Variants in LRRC4C observed in about 807,000 individuals in gnomAD.
LRRC4C encodes leucine rich repeat containing 4C.
A neutral mutation model predicts 33.6 loss-of-function variants in LRRC4C; 5 were observed. That is an observed-to-expected ratio of 0.15 (90% CI 0.08 to 0.31). The LOEUF (loss-of-function observed/expected upper bound fraction) is 0.31, where lower values mean the gene tolerates loss of function less well. Among genes scored for constraint, LRRC4C ranks in the 10% least tolerant of loss-of-function variants. The pLI is 1.00. For synonymous variants in LRRC4C, 329 were observed against 302.0 expected (o/e 1.09, Z -0.93); for missense variants, 560 against 796.7 (o/e 0.70, Z 3.58).
chr11:41,058,116 C>A (rs933037739), intron 1 of LRRC4C, among the ~76,000 whole-genome samples: 3 of 152,222 alleles, frequency 2.0e-5, no homozygotes, highest in African/African-American at 7.2e-5. Flanking sequence ...ATCCTCCTGG[C>A]TTGCCATGCT....
chr11:40,700,477 TA>T (rs1316231171), intron 2 of LRRC4C, among the ~76,000 whole-genome samples: 1 of 152,162 alleles, frequency 6.6e-6, no homozygotes, highest in Non-Finnish European at 1.5e-5. Context: ...TATATCAATC[TA>T]AAGTTTGCAA....
intron 3 of LRRC4C, among the ~76,000 whole-genome samples, chr11:40,387,949 C>T (rs1482183456): frequency 2.0e-5 from 3 of 152,110 alleles, no homozygotes; most frequent in Admixed American, 1.3e-4. Context: ...TCTTATTTTA[C>T]CTCCTGTGCT....
chr11:40,372,635 C>T (rs1471808476), intron 3 of LRRC4C, among the ~76,000 whole-genome samples: 1 of 152,186 alleles, frequency 6.6e-6, no homozygotes, highest in African/African-American at 2.4e-5. Context: ...ATTCAGCTAA[C>T]ACCCCAGTCA....
intron 3 of LRRC4C, among the ~76,000 whole-genome samples, chr11:40,626,454 G>A (rs748957430): frequency 6.6e-6 from 1 of 151,952 alleles, no homozygotes; most frequent in Non-Finnish European, 1.5e-5. Context: ...TTTTTGACCA[G>A]TATGTTCCTA....
intron 1 of LRRC4C, among the ~76,000 whole-genome samples, chr11:41,027,596 C>T (rs1037527957): frequency 6.6e-6 from 1 of 151,620 alleles, no homozygotes; most frequent in Admixed American, 6.6e-5. Context: ...GCATCATCAA[C>T]CTCCAGCTAA....
chr11:41,306,834 T>G (rs1950518309), intron 1 of LRRC4C, among the ~76,000 whole-genome samples: 1 of 152,196 alleles, frequency 6.6e-6, no homozygotes. Flanking sequence ...TAAGGAAAGT[T>G]TAAGTAGTTG....
At chr11:41,441,693 G>A (rs1221673711) in intron 1 of LRRC4C, among the ~76,000 whole-genome samples, 9 of 149,196 alleles carry the variant, frequency 6.0e-5, no homozygotes, top group Non-Finnish European at 1.0e-4. Context: ...ATGTAGAGAA[G>A]ATGGCAAGAA....
At chr11:41,117,224 C>T (rs530287120) in intron 1 of LRRC4C, among the ~76,000 whole-genome samples, 105 of 152,250 alleles carry the variant, frequency 6.9e-4, no homozygotes, top group African/African-American at 2.4e-3. Flanking sequence ...ACAGAACTAC[C>T]CAGCTGAGCT....
intron 1 of LRRC4C, among the ~76,000 whole-genome samples, chr11:41,187,930 C>G (rs1363981355): frequency 6.6e-6 from 1 of 152,190 alleles, no homozygotes; most frequent in Non-Finnish European, 1.5e-5. Context: ...GTAACTACCT[C>G]TTGGTTTTGC....
intron 1 of LRRC4C, among the ~76,000 whole-genome samples, chr11:41,388,003 A>C (rs1406971615): frequency 6.6e-6 from 1 of 151,814 alleles, no homozygotes; most frequent in Non-Finnish European, 1.5e-5. Context: ...AAATACATTA[A>C]ATTTTCTCTG....
intron 3 of LRRC4C, among the ~76,000 whole-genome samples, chr11:40,438,298 T>A (rs1951230509): frequency 6.6e-6 from 1 of 152,210 alleles, no homozygotes; most frequent in Non-Finnish European, 1.5e-5. Flanking sequence ...AAGTCCTTCC[T>A]TGACTGTCCT....
chr11:40,191,740 C>T (rs536692855), intron 5 of LRRC4C, among the ~76,000 whole-genome samples: 1 of 152,290 alleles, frequency 6.6e-6, no homozygotes, highest in East Asian at 1.9e-4. Flanking sequence ...GCAGAAGGAT[C>T]ACCTGAGCCC....
chr11:40,256,953 CT>C (rs1410887851), intron 4 of LRRC4C, among the ~76,000 whole-genome samples: 1 of 152,216 alleles, frequency 6.6e-6, no homozygotes, highest in East Asian at 1.9e-4. Context: ...TCGGGTGTTT[CT>C]GCCAATCAAC....
At chr11:40,903,731 C>G (rs964737787) in intron 2 of LRRC4C, among the ~76,000 whole-genome samples, 2 of 152,042 alleles carry the variant, frequency 1.3e-5, no homozygotes, top group Non-Finnish European at 2.9e-5. Flanking sequence ...GAAAGAATGA[C>G]TAAGACCTAC....
At chr11:41,223,450 T>C (rs1250771440) in intron 1 of LRRC4C, among the ~76,000 whole-genome samples, 1 of 152,200 alleles carries the variant, frequency 6.6e-6, no homozygotes, top group African/African-American at 2.4e-5. Context: ...CACAATTATT[T>C]ATTCATTCAT....
intron 2 of LRRC4C, among the ~76,000 whole-genome samples, chr11:40,917,877 A>T (rs545939715): frequency 6.6e-6 from 1 of 152,218 alleles, no homozygotes; most frequent in African/African-American, 2.4e-5. Context: ...CACACAAAGT[A>T]GATGTTCAAT....
At chr11:41,102,213 C>T (rs1238986852) in intron 1 of LRRC4C, among the ~76,000 whole-genome samples, 1 of 152,086 alleles carries the variant, frequency 6.6e-6, no homozygotes, top group Non-Finnish European at 1.5e-5. Flanking sequence ...ACGTTATCGT[C>T]ATTAAAGCTG....
At chr11:40,914,637 C>T (rs1419411099) in intron 2 of LRRC4C, among the ~76,000 whole-genome samples, 3 of 152,140 alleles carry the variant, frequency 2.0e-5, no homozygotes, top group African/African-American at 7.2e-5. Flanking sequence ...ACAACTGGCA[C>T]AAGACAGGGA....
At chr11:40,487,989 A>T (rs1953952318) in intron 3 of LRRC4C, among the ~76,000 whole-genome samples, 1 of 152,088 alleles carries the variant, frequency 6.6e-6, no homozygotes, top group Non-Finnish European at 1.5e-5. Context: ...CACATTAAGG[A>T]TGAGTAAAAT....
Sources: gnomAD v4.1 joint callset for allele counts (sites outside exome capture counted in the v4.1 genomes callset) on GRCh38, gnomAD v4.1.1 for gene constraint, MANE v1.5 for transcripts, NCBI Gene and HGNC (gene_info 2026-07-23, HGNC 2026-07-21) for gene names.